Variants in GABRB1 observed in about 807,000 individuals in gnomAD.
The protein encoded by GABRB1 is gamma-aminobutyric acid type A receptor subunit beta1, also known as gamma-aminobutyric acid receptor subunit beta-1.
GABRB1 carries 17 observed loss-of-function variants against 51.6 expected under a neutral mutation model. The observed-to-expected ratio is 0.33, with a 90% CI of 0.23 to 0.49. The LOEUF (loss-of-function observed/expected upper bound fraction) is 0.49, where lower values mean the gene tolerates loss of function less well. Ranked by LOEUF, GABRB1 falls within the 20% of genes least tolerant of loss-of-function variation. The pLI is 0.99. For missense variants in GABRB1, 410 were observed against 600.6 expected, an observed-to-expected ratio of 0.68 and a Z score of 3.32; for synonymous variants, 247 against 218.9, an observed-to-expected ratio of 1.13 and a Z score of -1.14.
Position 47,304,003 on chromosome 4 carries a change from A to G in GABRB1, c.462-16124A>G, listed in dbSNP as rs147046695. ...GTAAATGACAAGACTTCCTTCTTTA[A>G]GACTGAATAGTATTTCACTGTGTAT... On this transcript the variant is annotated intron_variant, in intron 4 of 8. Coordinates refer to ENST00000295454, the MANE Select transcript of GABRB1 (RefSeq NM_000812.4). Among the ~76,000 whole-genome samples, 858 of 152,144 alleles carry G rather than the reference A, an allele frequency of 5.6e-3. 10 individuals are homozygous for G. The highest frequency in any genetic ancestry group is 0.02 in the African/African-American group (819 of 41,560).
At chr4:47,058,698 T>G (rs916242427) in intron 3 of GABRB1, among the ~76,000 whole-genome samples, 8 of 152,184 alleles carry the variant, frequency 5.3e-5, no homozygotes, top group African/African-American at 1.7e-4. Flanking sequence ...CTGCAATATG[T>G]TTTACATATT....
chr4:47,405,682 A>G (rs1728543471), intron 7 of GABRB1, among the ~76,000 whole-genome samples: 1 of 152,170 alleles, frequency 6.6e-6, no homozygotes, highest in Non-Finnish European at 1.5e-5. Context: ...TATGACAGCC[A>G]TGTAAGATAA....
intron 4 of GABRB1, among the ~76,000 whole-genome samples, chr4:47,277,301 T>C (rs1470346410): frequency 6.6e-6 from 1 of 151,972 alleles, no homozygotes; most frequent in Non-Finnish European, 1.5e-5. Context: ...ATTTGTGGAA[T>C]CATAAATCAA....
chr4:47,116,350 T>C (rs972811769), intron 3 of GABRB1, among the ~76,000 whole-genome samples: 1 of 152,200 alleles, frequency 6.6e-6, no homozygotes, highest in Non-Finnish European at 1.5e-5. Context: ...ATATGTGATA[T>C]CATTCACTTA....
intron 5 of GABRB1, among the ~76,000 whole-genome samples, chr4:47,401,741 GT>G (rs1728391843): frequency 6.6e-6 from 1 of 152,228 alleles, no homozygotes. Context: ...TAAGAAAGGA[GT>G]TTTGTATTCT....
chr4:47,209,041 T>C (rs953497718), intron 4 of GABRB1, among the ~76,000 whole-genome samples: 1 of 152,116 alleles, frequency 6.6e-6, no homozygotes, highest in African/African-American at 2.4e-5. Flanking sequence ...TGTTATAAAG[T>C]ATAACATGAT....
intron 4 of GABRB1, among the ~76,000 whole-genome samples, chr4:47,287,777 G>T (rs549857810): frequency 2.1e-4 from 32 of 152,316 alleles, no homozygotes; most frequent in African/African-American, 6.3e-4. Context: ...CACTTGCTCT[G>T]ATGGAAGCCA....
At chr4:47,413,252 C>T (rs1728816463) in intron 8 of GABRB1, among the ~76,000 whole-genome samples, 1 of 152,184 alleles carries the variant, frequency 6.6e-6, no homozygotes, top group Non-Finnish European at 1.5e-5. Context: ...TTTCTATCTC[C>T]TGTATCAATT....
At chr4:47,055,229 T>G (rs1246485118) in intron 3 of GABRB1, among the ~76,000 whole-genome samples, 1 of 152,236 alleles carries the variant, frequency 6.6e-6, no homozygotes, top group Non-Finnish European at 1.5e-5. Context: ...GTATTCTAGA[T>G]GCATGTGTAG....
At chr4:47,391,288 C>A (rs897534890) in intron 5 of GABRB1, among the ~76,000 whole-genome samples, 1 of 152,098 alleles carries the variant, frequency 6.6e-6, no homozygotes, top group Non-Finnish European at 1.5e-5. Context: ...AAACAAAGTG[C>A]GTGTGAGCTT....
chr4:47,309,872 T>G (rs1409035266), intron 4 of GABRB1, among the ~76,000 whole-genome samples: 1 of 152,198 alleles, frequency 6.6e-6, no homozygotes, highest in Non-Finnish European at 1.5e-5. Context: ...GTAATAGTAG[T>G]GTTATATGCA....
At chr4:47,124,023 C>CAT (rs1193135282) in intron 3 of GABRB1, among the ~76,000 whole-genome samples, 4 of 134,206 alleles carry the variant, frequency 3.0e-5, no homozygotes, top group African/African-American at 2.8e-5. Flanking sequence ...GCTTTTCTGG[C>CAT]ATATATATAC....
chr4:47,237,039 A>T (rs1306963568), intron 4 of GABRB1, among the ~76,000 whole-genome samples: 8 of 152,112 alleles, frequency 5.3e-5, no homozygotes, highest in Non-Finnish European at 1.2e-4. Context: ...ATCAACCAAA[A>T]ATTTCTCAAA....
chr4:47,008,814 A>G (rs1577820630), intron 1 of GABRB1, among the ~76,000 whole-genome samples: 1 of 114,254 alleles, frequency 8.8e-6, no homozygotes, highest in African/African-American at 3.3e-5. Context: ...TACCAGCAGT[A>G]TTAACTGTAG....
chr4:47,036,117 A>G (rs1225274512), intron 3 of GABRB1, among the ~76,000 whole-genome samples: 2 of 152,320 alleles, frequency 1.3e-5, no homozygotes, highest in Non-Finnish European at 2.9e-5. Context: ...ATGAATGAGT[A>G]TAACAGTGAA....
intron 1 of GABRB1, among the ~76,000 whole-genome samples, chr4:47,024,571 T>A (rs1577834306): frequency 6.6e-6 from 1 of 151,906 alleles, no homozygotes; most frequent in South Asian, 2.1e-4. Flanking sequence ...GTTTTATTTT[T>A]AAAATTTTTT....
intron 5 of GABRB1, among the ~76,000 whole-genome samples, chr4:47,383,629 G>T (rs1344051261): frequency 2.6e-5 from 4 of 152,114 alleles, no homozygotes; most frequent in East Asian, 1.9e-4. Context: ...TGAAGAATGG[G>T]TTCATATCAT....
intron 3 of GABRB1, among the ~76,000 whole-genome samples, chr4:47,087,305 G>A (rs780852048): frequency 2.0e-5 from 3 of 151,838 alleles, no homozygotes; most frequent in East Asian, 1.9e-4. Flanking sequence ...AATGTTAACC[G>A]TGAATTATAT....
chr4:47,034,059 T>A (rs1434085792), intron 3 of GABRB1, among the ~76,000 whole-genome samples: 1 of 152,190 alleles, frequency 6.6e-6, no homozygotes, highest in Non-Finnish European at 1.5e-5. Context: ...TTGTATCATG[T>A]AGATTAATAA....
Sources: gnomAD v4.1 joint callset for allele counts (sites outside exome capture counted in the v4.1 genomes callset) on GRCh38, gnomAD v4.1.1 for gene constraint, MANE v1.5 for transcripts, NCBI Gene and HGNC (gene_info 2026-07-23, HGNC 2026-07-21) for gene names.